SLC2A1: variants seen among roughly 807,000 people sequenced by gnomAD.
SLC2A1 encodes the protein solute carrier family 2, facilitated glucose transporter member 1.
A neutral mutation model predicts 46.6 loss-of-function variants in SLC2A1; 4 were observed. That is an observed-to-expected ratio of 0.09 (90% CI 0.04 to 0.20). SLC2A1 has a LOEUF of 0.20. Ranked by LOEUF, SLC2A1 falls within the 10% of genes least tolerant of loss-of-function variation. The pLI, the probability that SLC2A1 is intolerant of heterozygous loss-of-function variation, is 1.00. For missense variants in SLC2A1, 352 were observed against 667.0 expected, an observed-to-expected ratio of 0.53 and a Z score of 5.20; for synonymous variants, 253 against 270.0, an observed-to-expected ratio of 0.94 and a Z score of 0.62.
At position 42,926,861 on chromosome 1, in the gene SLC2A1, A is replaced by C; in HGVS notation, c.*180T>G. On this transcript the variant is annotated 3_prime_UTR_variant, in exon 10 of 10. Coordinates refer to ENST00000426263, the MANE Select transcript of SLC2A1 (RefSeq NM_006516.4). ...TTTGAGCAACAGTCTTGCTTTTGTT[A>C]AAATCCTGGAGCCGTTAAGTCCTGA... 1 of 1,468,044 alleles carries C rather than the reference A, an allele frequency of 6.8e-7. No homozygotes were observed. Among genetic ancestry groups the C allele is most frequent in the Admixed American group, 2.5e-5 (1 of 39,718 alleles). 90.9% of individuals were successfully genotyped at this position (1,468,044 alleles called of 1,614,324 possible).
chr1:42,958,805 C>A lies in SLC2A1; in HGVS notation c.-154G>T, dbSNP rs893401130. On this transcript the variant is annotated 5_prime_UTR_variant, in exon 1 of 10. Coordinates refer to ENST00000426263, the MANE Select transcript of SLC2A1 (RefSeq NM_006516.4). Reference sequence around the variant, plus strand: ...CGTCGTTTGGTCTCCTGCTCCCTGGCGTGCTCACTCGGGGACCCGCGACTA... The same window carrying A: ...CGTCGTTTGGTCTCCTGCTCCCTGGAGTGCTCACTCGGGGACCCGCGACTA... 2.8e-6 allele frequency: 2 copies of A among 725,878 alleles called. No homozygotes were observed. Among genetic ancestry groups the A allele is most frequent in the Middle Eastern group, 2.4e-4 (1 of 4,126 alleles). 45.0% of individuals were successfully genotyped at this position (725,878 alleles called of 1,614,324 possible).
intron 1 of SLC2A1, among the ~76,000 whole-genome samples, chr1:42,956,407 C>CAAAAAAAAAAAAAAAAAAAAAAAAAAAAA (rs71577684): frequency 2.2e-5 from 1 of 44,504 alleles, no homozygotes; most frequent in African/African-American, 1.1e-4. Context: ...ACTAAAACTA[C>CAAAAAAAAAAAAAAAAAAAAAAAAAAAAA]AAAAAAAAAA....
chr1:42,949,761 C>T (rs759559779), intron 1 of SLC2A1, among the ~76,000 whole-genome samples: 36 of 152,262 alleles, frequency 2.4e-4, no homozygotes, highest in African/African-American at 7.5e-4. Context: ...TTTTGGGGAG[C>T]GATTACTCCC....
rs1643487236 is a variant in SLC2A1, at chr1:42,931,275, CT to C, written c.115-70del. ...GACCCAGTCTTCCTTTTCCTTTCCC[CT>C]TGCACCCCTCCCTAAGAGAGGGCCA... On this transcript the variant is annotated intron_variant, in intron 2 of 9. Coordinates refer to ENST00000426263, the MANE Select transcript of SLC2A1 (RefSeq NM_006516.4). 5.3e-6 allele frequency: 8 copies of C among 1,510,668 alleles called. No homozygotes were observed. In the Admixed American group the frequency reaches 1.5e-4, roughly 28 times the overall value. The allele number at this position is 1,510,668 out of a possible 1,614,324, so 93.6% of individuals were successfully genotyped here.
rs140825318 is a variant in SLC2A1, at chr1:42,929,288, G to A, written c.894C>T (p.Phe298=). The part of the protein sequence containing the change: ...NAVFYYSTSI[F]EKAGVQQPVY... Reference sequence around the variant, plus strand: ...CAGGCTGCTGCACCCCCGCCTTCTCGAAGATGCTCGTGGAGTAATAGAAGA... The same window carrying A: ...CAGGCTGCTGCACCCCCGCCTTCTCAAAGATGCTCGTGGAGTAATAGAAGA... Residue 298 remains phenylalanine (F), a synonymous_variant, in exon 7 of 10, where the codon TTC becomes TTT. Coordinates refer to ENST00000426263, the MANE Select transcript of SLC2A1 (RefSeq NM_006516.4). This position sits in a 1 kb window ranked among gnomAD's most constrained non-coding sequence, Gnocchi z 6.0. 216 of 1,613,262 alleles carry A rather than the reference G, an allele frequency of 1.3e-4. No homozygotes were observed. The African/African-American group carries it at 2.4e-3, about 18-fold the overall frequency.
intron 1 of SLC2A1, among the ~76,000 whole-genome samples, chr1:42,946,930 GC>G (rs1311395362): frequency 1.3e-5 from 2 of 152,210 alleles, no homozygotes; most frequent in Non-Finnish European, 2.9e-5. Flanking sequence ...CCTGCTCTGG[GC>G]CTTGGTTTCC....
At chr1:42,947,178 T>C (rs182886138) in intron 1 of SLC2A1, among the ~76,000 whole-genome samples, 1 of 152,164 alleles carries the variant, frequency 6.6e-6, no homozygotes, top group South Asian at 2.1e-4. Context: ...TTTATTCTGG[T>C]GTCAAGCTGA....
At position 42,927,148 on chromosome 1, in the gene SLC2A1, G is replaced by A. The variant is rs13306758; in HGVS notation, c.1372C>T (p.Arg458Trp). 1.2e-6 allele frequency: 2 copies of A among 1,614,122 alleles called. No individual in the cohort carries two copies. Among genetic ancestry groups the A allele is most frequent in the Middle Eastern group, 1.6e-4 (1 of 6,062 alleles). The change falls in exon 10 of 10, where the codon CGG becomes TGG. Residue 458 changes from arginine (R) to tryptophan (W), a missense_variant. Transcript: ENST00000426263. This position sits in a 1 kb window ranked among gnomAD's most constrained non-coding sequence, Gnocchi z 5.3. ...CCGGAAGCGATCTCATCGAAGGTCC[G>A]GCCTTTAGTCTCAGGAACTTTGAAG... ...TYFKVPETKG[R>W]TFDEIASGFR...
chr1:42,957,861 C>G (rs1334578186), intron 1 of SLC2A1, among the ~76,000 whole-genome samples: 2 of 152,200 alleles, frequency 1.3e-5, no homozygotes, highest in African/African-American at 2.4e-5. Context: ...AGATCCCCCG[C>G]CCCTCCGGTT....
rs1393626431 is a variant in SLC2A1 at position 42,943,297 on chromosome 1, C to A, written c.43G>T (p.Ala15Ser). The change falls in exon 2 of 10, where the codon GCC becomes TCC. Residue 15 changes from alanine (A) to serine (S), a missense_variant. Ala to Ser is a moderately conservative substitution (Grantham distance 99). This residue lies in a region of SLC2A1 where 97 missense variants were observed against 175.6 expected (regional missense o/e 0.55). Transcript: ENST00000426263. ...SKKLTGRLML[A>S]VGGAVLGSLQ... ...GAGCCAAGCACTGCTCCTCCCACGG[C>A]CAGCATGAGGCGACCCGTCAGCTTC... 6.2e-7 allele frequency: 1 copy of A among 1,613,864 alleles called. No homozygotes were observed. Among genetic ancestry groups the A allele is most frequent in the Non-Finnish European group, 8.5e-7 (1 of 1,179,870 alleles).
At position 42,930,943 on chromosome 1, in the gene SLC2A1, G is replaced by T; in HGVS notation, c.276-77C>A. 1.2e-6 allele frequency: 2 copies of T among 1,606,208 alleles called. No homozygotes were observed. The highest frequency in any genetic ancestry group is 2.2e-5 in the South Asian group (2 of 90,744). ...GGGGCTGGGTCAGAGGTAATACCCT[G>T]GAACAGGCAGATAAGTCTCCCCTAC... is the stretch of plus-strand genomic sequence containing the variant. On this transcript the variant is annotated intron_variant, in intron 3 of 9. Coordinates refer to ENST00000426263, the MANE Select transcript of SLC2A1 (RefSeq NM_006516.4). The surrounding 1 kb of genome is among the most constrained non-coding windows in gnomAD (Gnocchi z 6.2).
intron 1 of SLC2A1, among the ~76,000 whole-genome samples, chr1:42,944,754 C>T (rs577032851): frequency 6.6e-6 from 1 of 152,302 alleles, no homozygotes; most frequent in Non-Finnish European, 1.5e-5. Context: ...TGCATCCTTC[C>T]TTCCCATTAG....
At chr1:42,957,999 C>G (rs1643796409) in intron 1 of SLC2A1, among the ~76,000 whole-genome samples, 1 of 152,228 alleles carries the variant, frequency 6.6e-6, no homozygotes, top group Admixed American at 6.5e-5. Flanking sequence ...TCATCTCAAC[C>G]CCCGCGTTCG....
intron 1 of SLC2A1, among the ~76,000 whole-genome samples, chr1:42,946,820 C>A (rs1643661287): frequency 6.6e-6 from 1 of 152,190 alleles, no homozygotes; most frequent in African/African-American, 2.4e-5. Context: ...CTCTGCTGCG[C>A]CCACTATAGC....
chr1:42,942,473 T>G (rs1643607342), intron 2 of SLC2A1, among the ~76,000 whole-genome samples: 1 of 151,184 alleles, frequency 6.6e-6, no homozygotes, highest in Non-Finnish European at 1.5e-5. Flanking sequence ...GGAGATGGTC[T>G]AGGTCCCTTC....
At chr1:42,942,588 C>T (rs1036139665) in intron 2 of SLC2A1, among the ~76,000 whole-genome samples, 4 of 151,556 alleles carry the variant, frequency 2.6e-5, no homozygotes, top group Non-Finnish European at 4.4e-5. Context: ...TAGGGCAAGA[C>T]GCCATTTCTG....
rs1643728221 is a variant in SLC2A1, at chr1:42,952,187, T to C, written c.18+6447A>G. 3 of 489,990 alleles carry C rather than the reference T, an allele frequency of 6.1e-6. No homozygotes were observed. The South Asian group carries it at 6.8e-5, about 11-fold the overall frequency. 30.4% of individuals were successfully genotyped at this position (489,990 alleles called of 1,614,324 possible). On this transcript the variant is annotated intron_variant, in intron 1 of 9. Coordinates refer to ENST00000426263, the MANE Select transcript of SLC2A1 (RefSeq NM_006516.4). ...TTCTGGAATAAGCAGGGGTGATCTT[T>C]ATATCACATTCTGTGGCTGGTGGGC...
chr1:42,927,787 A>G lies in SLC2A1; in HGVS notation c.1096T>C (p.Tyr366His). ...CCAAAGATGGCCACGATGCTCAGAT[A>G]GGACATCCAGGGTAGCTGCTCCTGT... is the stretch of plus-strand genomic sequence containing the variant. Reference protein sequence around the residue: ...ALLEQLPWMSYLSIVAIFGFV... With the variant: ...ALLEQLPWMSHLSIVAIFGFV... The change falls in exon 9 of 10, where the codon TAT becomes CAT. Residue 366 changes from tyrosine (Y) to histidine (H), a missense_variant. By Grantham distance (83) the Tyr-to-His change is moderately conservative. Around this residue, in one of 5 missense-constraint regions of SLC2A1, gnomAD observed 167 missense variants for 280.8 expected, o/e 0.59. Transcript: ENST00000426263. This position sits in a 1 kb window ranked among gnomAD's most constrained non-coding sequence, Gnocchi z 5.3. The G allele has an allele frequency of 1.2e-6, 2 of 1,613,376 alleles. No homozygotes were observed. The highest frequency in any genetic ancestry group is 1.7e-6 in the Non-Finnish European group (2 of 1,179,608).
intron 2 of SLC2A1, among the ~76,000 whole-genome samples, chr1:42,937,779 G>T (rs1354288272): frequency 2.0e-5 from 3 of 152,196 alleles, no homozygotes; most frequent in Non-Finnish European, 4.4e-5. Flanking sequence ...GACGGGTGAA[G>T]GGGAGAGAGG....
Sources: gnomAD v4.1 joint callset for allele counts (sites outside exome capture counted in the v4.1 genomes callset) on GRCh38, gnomAD v4.1.1 for gene constraint, gnomAD v4.1.1 regional missense constraint, Gnocchi (gnomAD v3.1) non-coding constraint, MANE v1.5 for transcripts, NCBI Gene and HGNC (gene_info 2026-07-23, HGNC 2026-07-21) for gene names.